The following EMC7 variants were observed in gnomAD, a reference collection of about 807,000 sequenced individuals.
The protein encoded by EMC7 is endoplasmic reticulum membrane protein complex subunit 7.
In EMC7, 4 loss-of-function variants were observed where a neutral mutation model predicts 24.4. That is an observed-to-expected ratio of 0.16 (90% CI 0.08 to 0.38). The LOEUF (loss-of-function observed/expected upper bound fraction) is 0.38, where lower values mean the gene tolerates loss of function less well. Ranked by LOEUF, EMC7 falls within the 10% of genes least tolerant of loss-of-function variation. EMC7 has a pLI of 1.00. For synonymous variants in EMC7, 106 were observed against 112.0 expected (o/e 0.95, Z 0.34); for missense variants, 221 against 300.6 (o/e 0.74, Z 1.96).
Position 34,090,335 on chromosome 15 carries a change from G to A in EMC7, c.477C>T (p.Asp159=), listed in dbSNP as rs753715035. ...FIKRESWGWT[D]FLMNPMVMMM... Reference sequence around the variant, plus strand: ...TACATACCATTGGGTTCATTAGAAAGTCTGTCCAGCCCCACGATTCCCTTT... The same window carrying A: ...TACATACCATTGGGTTCATTAGAAAATCTGTCCAGCCCCACGATTCCCTTT... Residue 159 remains aspartate, a synonymous_variant, in exon 3 of 5, where the codon GAC becomes GAT. Transcript: ENST00000256545. 6.2e-7 allele frequency: 1 copy of A among 1,613,798 alleles called. No individual in the cohort carries two copies. Among genetic ancestry groups the A allele is most frequent in the Admixed American group, 1.7e-5 (1 of 59,956 alleles).
chr15:34,085,813 A>C (rs1465477682), intron 4 of EMC7: 2 of 151,208 alleles, frequency 1.3e-5, no homozygotes, highest in East Asian at 3.9e-4. Flanking sequence ...TCTATTTTTG[A>C]ATCTGTTCAA....
intron 4 of EMC7, chr15:34,086,122 C>A (rs532099364): frequency 2.2e-5 from 8 of 369,864 alleles, no homozygotes; most frequent in South Asian, 1.9e-4. Flanking sequence ...TACTTTGTTT[C>A]TTTGCTGCTC....
intron 4 of EMC7, chr15:34,086,097 C>T (rs1900882076): frequency 2.9e-6 from 1 of 341,334 alleles, no homozygotes; most frequent in Middle Eastern, 1.2e-3. Context: ...CTTCCAGAAG[C>T]CACTGGGTAG....
At chr15:34,090,142 CTCT>C (rs1457213951) in intron 3 of EMC7, among the ~76,000 whole-genome samples, 172 bp downstream of exon 3, 1 of 152,122 alleles carries the variant, frequency 6.6e-6, no homozygotes, top group Non-Finnish European at 1.5e-5. Context: ...TCATTATATT[CTCT>C]TCATTATGTA....
intron 1 of EMC7, among the ~76,000 whole-genome samples, chr15:34,099,056 T>G (rs1901133773): frequency 6.6e-6 from 1 of 152,092 alleles, no homozygotes; most frequent in African/African-American, 2.4e-5. Flanking sequence ...AATGGGACTG[T>G]TAGATGATAT....
Position 34,088,066 on chromosome 15 carries a change from G to A in EMC7, c.563C>T (p.Pro188Leu). 2 of 1,610,620 alleles carry A rather than the reference G, an allele frequency of 1.2e-6. No individual in the cohort carries two copies. The highest frequency in any genetic ancestry group is 1.7e-6 in the Non-Finnish European group (2 of 1,178,844). Residue 188 changes from proline (P) to leucine (L), a missense_variant, in exon 4 of 5, where the codon CCT (proline) becomes CTT (leucine). By Grantham distance (98) the Pro-to-Leu change is moderately conservative (BLOSUM62 -3). Around this residue, in one of 2 missense-constraint regions of EMC7, gnomAD observed 65 missense variants for 123.4 expected, o/e 0.53. Coordinates refer to ENST00000256545, the MANE Select transcript of EMC7 (RefSeq NM_020154.3). ...LLPKVVNTSD[P>L]DMRREMEQSM... is the part of the protein sequence containing the mutation. ...CCATCATCTTACCCGTCTCATGTCA[G>A]GATCACTTGTGTTGACCACTTTAGG...
In EMC7 at chr15:34,091,150, A is replaced by C. The variant is rs1043225376; in HGVS notation, c.357-695T>G. Among the ~76,000 whole-genome samples, 10 of 152,266 alleles carry C rather than the reference A, an allele frequency of 6.6e-5. No homozygotes were observed. The South Asian group carries it at 1.0e-3, about 16-fold the overall frequency. ...ATGCATCCATTTAGTTGTACATTTC[A>C]ATGCCTATATTCATTGTAGAGATTC... On this transcript the variant is annotated intron_variant, in intron 2 of 4. Transcript: ENST00000256545.
intron 2 of EMC7, among the ~76,000 whole-genome samples, chr15:34,095,381 T>G (rs931409510): frequency 1.1e-4 from 16 of 152,354 alleles, no homozygotes; most frequent in African/African-American, 3.8e-4. Flanking sequence ...ACTCACAGTC[T>G]AAATTAGACT....
intron 3 of EMC7, among the ~76,000 whole-genome samples, chr15:34,090,110 A>C (rs547403277): frequency 6.6e-5 from 10 of 152,214 alleles, no homozygotes; most frequent in Admixed American, 6.5e-4. Flanking sequence ...ACATTTCAAT[A>C]ATCAAATCTA....
chr15:34,097,268 C>T (rs1210056235), intron 1 of EMC7, among the ~76,000 whole-genome samples: 2 of 151,922 alleles, frequency 1.3e-5, no homozygotes, highest in Non-Finnish European at 2.9e-5. Context: ...CTCCTGACCT[C>T]GTGATCCGCC....
intron 2 of EMC7, among the ~76,000 whole-genome samples, chr15:34,092,767 T>C (rs1381812421): frequency 6.6e-6 from 1 of 152,162 alleles, no homozygotes; most frequent in African/African-American, 2.4e-5. Flanking sequence ...CTGCAACCAG[T>C]TCATAAGTGC....
At chr15:34,093,879 G>A (rs1191220408) in intron 2 of EMC7, among the ~76,000 whole-genome samples, 5 of 137,292 alleles carry the variant, frequency 3.6e-5, no homozygotes, top group African/African-American at 1.4e-4. Context: ...AGGCTGGAGT[G>A]CAGTGGTACA....
Position 34,101,758 on chromosome 15 carries a change from C to A in EMC7, c.82G>T (p.Gly28Trp). The A allele has an allele frequency of 1.2e-6, 2 of 1,613,784 alleles. No homozygotes were observed. Among genetic ancestry groups the A allele is most frequent in the Non-Finnish European group, 8.5e-7 (1 of 1,179,998 alleles). Residue 28 changes from glycine (G) to tryptophan (W), a missense_variant, in exon 1 of 5, where the codon GGG becomes TGG. This residue lies in a region of EMC7 where 156 missense variants were observed against 177.1 expected (regional missense o/e 0.88). Transcript: ENST00000256545. ...CCTCCCGATCCCTCAGCAGCAGCCC[C>A]GGGCACCTCCGAGCTCTGGACATCC... ...SGDVQSSEVP[G>W]AAAEGSGGSG...
At chr15:34,091,210 T>G (rs1304308820) in intron 2 of EMC7, among the ~76,000 whole-genome samples, 2 of 152,196 alleles carry the variant, frequency 1.3e-5, no homozygotes, top group Non-Finnish European at 2.9e-5. Flanking sequence ...TATAGCCTAT[T>G]TTGGTATATC....
At chr15:34,086,327 G>T in intron 4 of EMC7, 1 of 238,724 alleles carries the variant, frequency 4.2e-6, no homozygotes, top group South Asian at 6.1e-5. Context: ...TGCCAAGTAG[G>T]AGATGGTGCC....
At chr15:34,095,817 C>A in intron 2 of EMC7, 78 bp downstream of exon 2, 1 of 1,304,168 alleles carries the variant, frequency 7.7e-7, no homozygotes, top group Non-Finnish European at 1.0e-6. Flanking sequence ...TCCATCTAAA[C>A]TATTAATTCT....
chr15:34,085,054 G>A (rs755075334), intron 4 of EMC7, among the ~76,000 whole-genome samples: 2 of 151,998 alleles, frequency 1.3e-5, no homozygotes, highest in Admixed American at 1.3e-4. Context: ...TTGTTTTAAT[G>A]AGTACATTTT....
Position 34,084,065 on chromosome 15 carries a change from A to G in EMC7, c.*269T>C. Reference sequence around the variant, plus strand: ...TTAATTAATATACATAATGTATAGTAGTTCATATAATTTATTAATGGCATT... The same window carrying G: ...TTAATTAATATACATAATGTATAGTGGTTCATATAATTTATTAATGGCATT... On this transcript the variant is annotated 3_prime_UTR_variant, in exon 5 of 5. Transcript: ENST00000256545. 1 of 295,730 alleles carries G rather than the reference A, an allele frequency of 3.4e-6. No individual in the cohort carries two copies. The highest frequency in any genetic ancestry group is 6.2e-6 in the Non-Finnish European group (1 of 161,752). 18.3% of individuals were successfully genotyped at this position (295,730 alleles called of 1,614,324 possible).
chr15:34,089,458 A>G (rs1900943633), intron 3 of EMC7, among the ~76,000 whole-genome samples: 1 of 152,232 alleles, frequency 6.6e-6, no homozygotes, highest in Non-Finnish European at 1.5e-5. Context: ...AAAAATAAAA[A>G]CAAATTTTTA....
Sources: allele counts gnomAD v4.1 joint callset (sites outside exome capture counted in the v4.1 genomes callset), GRCh38; gene constraint gnomAD v4.1.1; regional missense constraint gnomAD v4.1.1; transcripts MANE v1.5; gene names NCBI Gene and HGNC (gene_info 2026-07-23, HGNC 2026-07-21).